Variants in HACE1 observed in about 807,000 individuals in gnomAD.
HACE1 encodes the protein E3 ubiquitin-protein ligase HACE1.
A neutral mutation model predicts 118.4 loss-of-function variants in HACE1; 73 were observed. That is an observed-to-expected ratio of 0.62 (90% CI 0.51 to 0.75). HACE1 has a LOEUF of 0.75. Ranked by LOEUF, HACE1 falls within the 30% of genes least tolerant of loss-of-function variation. HACE1 has a pLI of 0.00. For missense variants in HACE1, 749 were observed against 1,102.2 expected, an observed-to-expected ratio of 0.68 and a Z score of 4.54; for synonymous variants, 368 against 374.8, an observed-to-expected ratio of 0.98 and a Z score of 0.21.
chr6:104,799,938 G>A (rs953571536), intron 7 of HACE1, among the ~76,000 whole-genome samples: 13 of 118,954 alleles, frequency 1.1e-4, no homozygotes, highest in African/African-American at 1.8e-4. Flanking sequence ...CAAGGGGTCA[G>A]GGGATTTCCC....
Position 104,784,181 on chromosome 6 carries a change from A to C in HACE1, c.1479-8T>G. ...AATATAATTTTGGGATTTCTAAAAG[A>C]AAAATATTTTGTTTAAATGGACAGG... On this transcript the variant is annotated splice_polypyrimidine_tract_variant and splice_region_variant and intron_variant, in intron 13 of 23. Coordinates refer to ENST00000262903, the MANE Select transcript of HACE1 (RefSeq NM_020771.4). The C allele has an allele frequency of 6.7e-7, 1 of 1,492,026 alleles. No individual in the cohort carries two copies. The highest frequency in any genetic ancestry group is 9.4e-7 in the Non-Finnish European group (1 of 1,068,736). The allele number at this position is 1,492,026 out of a possible 1,614,324, so 92.4% of individuals were successfully genotyped here. A position where few individuals can be genotyped will look rare whatever the true frequency, so the allele number is the denominator to read the frequency against.
intron 9 of HACE1, 115 bp from the exon 10 acceptor site, chr6:104,795,800 G>T: frequency 1.5e-6 from 1 of 675,590 alleles, no homozygotes; most frequent in Non-Finnish European, 2.6e-6. Context: ...AAGTCCTTTA[G>T]TTATTTTGTC....
chr6:104,752,641 G>GT (rs931890766), intron 19 of HACE1, among the ~76,000 whole-genome samples: 8 of 152,028 alleles, frequency 5.3e-5, no homozygotes, highest in African/African-American at 1.9e-4. Context: ...ACTTGCTCAT[G>GT]TGAACGTTAC....
At position 104,777,269 on chromosome 6, in the gene HACE1, G is replaced by T; in HGVS notation, c.1615C>A (p.Gln539Lys). ...CTGTGCACCATATCTGAATCTGGCT[G>T]TCCTGAATGCAAATGTTCATAGAAC... is the stretch of plus-strand genomic sequence containing the variant. ...EWFYEHLHSG[Q>K]PDSDMVHRPV... The change falls in exon 15 of 24, where the codon CAG (glutamine) becomes AAG (lysine). Residue 539 changes from glutamine to lysine, a missense_variant. Around this residue, in one of 5 missense-constraint regions of HACE1, gnomAD observed 195 missense variants for 322.1 expected, o/e 0.61. Coordinates refer to ENST00000262903, the MANE Select transcript of HACE1 (RefSeq NM_020771.4). 6.2e-7 allele frequency: 1 copy of T among 1,613,704 alleles called. No homozygotes were observed. The highest frequency in any genetic ancestry group is 8.5e-7 in the Non-Finnish European group (1 of 1,179,602).
At chr6:104,773,366 G>C (rs1780846947) in intron 17 of HACE1, among the ~76,000 whole-genome samples, 1 of 152,150 alleles carries the variant, frequency 6.6e-6, no homozygotes, top group Non-Finnish European at 1.5e-5. Flanking sequence ...TCTCGGTGCT[G>C]ACACCAGGTT....
At chr6:104,816,857 A>G (rs1772172530) in intron 6 of HACE1, among the ~76,000 whole-genome samples, 1 of 152,206 alleles carries the variant, frequency 6.6e-6, no homozygotes, top group South Asian at 2.1e-4. Context: ...ATCCCAACCC[A>G]TGCATCAGTG....
chr6:104,825,926 T>C (rs1397825310), intron 6 of HACE1, among the ~76,000 whole-genome samples: 2 of 152,208 alleles, frequency 1.3e-5, no homozygotes, highest in African/African-American at 4.8e-5. Context: ...TATGCCCTCC[T>C]CTAGATAATG....
chr6:104,744,742 T>G (rs1176370259), intron 20 of HACE1, 132 bp from the exon 21 acceptor site: 1 of 654,344 alleles, frequency 1.5e-6, no homozygotes, highest in Non-Finnish European at 2.8e-6. Flanking sequence ...AGTTCCTGCA[T>G]GTCATCAACA....
intron 11 of HACE1, chr6:104,787,222 A>G (rs1782522682): frequency 1.3e-5 from 2 of 152,190 alleles, no homozygotes; most frequent in Admixed American, 1.3e-4. Context: ...TAGTCGGGTT[A>G]AGTACAATGT....
chr6:104,791,696 T>A lies in HACE1; in HGVS notation c.924-42A>T, dbSNP rs1444971986. On this transcript the variant is annotated intron_variant, in intron 10 of 23. Coordinates refer to ENST00000262903, the MANE Select transcript of HACE1 (RefSeq NM_020771.4). Reference sequence around the variant, plus strand: ...AAATATGAGATTAGAGTAAAACAAATTACATATTAAAATACTTATTTTAAA... The same window carrying A: ...AAATATGAGATTAGAGTAAAACAAAATACATATTAAAATACTTATTTTAAA... The A allele has an allele frequency of 3.9e-6, 5 of 1,290,056 alleles. No homozygotes were observed. The South Asian group carries it at 6.1e-5, about 16-fold the overall frequency. The allele number at this position is 1,290,056 out of a possible 1,614,324, so 79.9% of individuals were successfully genotyped here.
chr6:104,756,924 A>G (rs773382627), intron 19 of HACE1, among the ~76,000 whole-genome samples: 2 of 152,210 alleles, frequency 1.3e-5, no homozygotes, highest in Admixed American at 6.5e-5. Flanking sequence ...TCGCATGCCC[A>G]TGGAGCCTTG....
At chr6:104,797,925 G>A (rs1347020807) in intron 7 of HACE1, among the ~76,000 whole-genome samples, 2 of 151,844 alleles carry the variant, frequency 1.3e-5, no homozygotes, top group Non-Finnish European at 2.9e-5. Flanking sequence ...AAAATTAGCT[G>A]GGCATGGTAG....
intron 2 of HACE1, 56 bp downstream of exon 2, chr6:104,852,261 C>T: frequency 1.0e-6 from 1 of 989,194 alleles, no homozygotes; most frequent in Non-Finnish European, 1.6e-6. Flanking sequence ...ATGCAGTACA[C>T]ATTTAGAACA....
chr6:104,744,642 T>C (rs758157377), intron 20 of HACE1, 32 bp from the exon 21 acceptor site: 10 of 1,255,478 alleles, frequency 8.0e-6, no homozygotes, highest in Non-Finnish European at 1.1e-5. Flanking sequence ...TTTCAATAAT[T>C]TTCTTTAGGG....
chr6:104,784,564 G>T (rs1782139701), intron 12 of HACE1, 79 bp from the exon 13 acceptor site: 2 of 942,442 alleles, frequency 2.1e-6, no homozygotes, highest in South Asian at 2.9e-5. Context: ...AATATATACT[G>T]AACTGGACTG....
intron 17 of HACE1, among the ~76,000 whole-genome samples, chr6:104,774,609 C>CT (rs1265206006): frequency 6.6e-6 from 1 of 151,842 alleles, no homozygotes; most frequent in African/African-American, 2.4e-5. Context: ...TGGTCTTGAT[C>CT]TTTTGACCTC....
chr6:104,817,588 T>C (rs1037095000), intron 6 of HACE1, among the ~76,000 whole-genome samples: 2 of 152,146 alleles, frequency 1.3e-5, no homozygotes, highest in South Asian at 2.1e-4. Flanking sequence ...TAAAATGAAT[T>C]AATATAGAGG....
intron 6 of HACE1, among the ~76,000 whole-genome samples, chr6:104,828,171 A>G (rs1397082464): frequency 6.6e-6 from 1 of 152,086 alleles, no homozygotes; most frequent in Non-Finnish European, 1.5e-5. Flanking sequence ...AAGCGTTAAT[A>G]AATTATACCT....
At chr6:104,753,873 C>A (rs979399727) in intron 19 of HACE1, among the ~76,000 whole-genome samples, 4 of 152,142 alleles carry the variant, frequency 2.6e-5, no homozygotes, top group African/African-American at 9.7e-5. Flanking sequence ...CAACACCTCT[C>A]CAGCAAAAGC....
Sources: allele counts gnomAD v4.1 joint callset (sites outside exome capture counted in the v4.1 genomes callset), GRCh38; gene constraint gnomAD v4.1.1; regional missense constraint gnomAD v4.1.1; transcripts MANE v1.5; gene names NCBI Gene and HGNC (gene_info 2026-07-23, HGNC 2026-07-21).